Variants in ZNF407 observed in about 807,000 individuals in gnomAD.
ZNF407 encodes the protein zinc finger protein 407.
ZNF407 carries 17 observed loss-of-function variants against 131.2 expected under a neutral mutation model. The observed-to-expected ratio is 0.13, with a 90% CI of 0.09 to 0.19. ZNF407 has a LOEUF of 0.19. Ranked by LOEUF, ZNF407 falls within the 10% of genes least tolerant of loss-of-function variation. The pLI is 1.00. For synonymous variants in ZNF407, 1,156 were observed against 1,062.0 expected, an observed-to-expected ratio of 1.09 and a Z score of -1.72; for missense variants, 2,681 against 2,830.6, an observed-to-expected ratio of 0.95 and a Z score of 1.20.
In ZNF407 at chr18:74,634,366, C is replaced by T. The variant is rs933633970; in HGVS notation, c.3347C>T (p.Ser1116Phe). 4 of 1,613,868 alleles carry T rather than the reference C, an allele frequency of 2.5e-6. No individual in the cohort carries two copies. In the South Asian group the frequency reaches 4.4e-5, roughly 18 times the overall value. ...TTTCAAATAATTTCAGGTCAACCAT[C>T]TGATACTCTTAAATCTAGAAATGCT... ...EEFQIISGQPSDTLKSRNAAD... is the reference protein window; with the variant it reads ...EEFQIISGQPFDTLKSRNAAD... Residue 1116 changes from serine (S) to phenylalanine (F), a missense_variant, in exon 2 of 9, where the codon TCT (serine) becomes TTT (phenylalanine). By Grantham distance (155) the Ser-to-Phe change is radical (BLOSUM62 -2). This residue lies in a region of ZNF407 where 1,789 missense variants were observed against 1,748.7 expected (regional missense o/e 1.02). Transcript: ENST00000299687.
chr18:74,772,634 T>C (rs1425029880), intron 3 of ZNF407, among the ~76,000 whole-genome samples: 3 of 152,160 alleles, frequency 2.0e-5, no homozygotes, highest in Non-Finnish European at 4.4e-5. Context: ...TTGGAGTGCA[T>C]ATTTCAGCAG....
chr18:74,745,064 T>C (rs1968636229), intron 3 of ZNF407, among the ~76,000 whole-genome samples: 1 of 152,094 alleles, frequency 6.6e-6, no homozygotes, highest in Non-Finnish European at 1.5e-5. Flanking sequence ...ACACGTATCG[T>C]AGTGCATTCA....
chr18:75,015,437 G>A (rs1356668854), intron 8 of ZNF407, among the ~76,000 whole-genome samples: 3 of 150,560 alleles, frequency 2.0e-5, no homozygotes, highest in African/African-American at 7.3e-5. Flanking sequence ...GATGTACTCC[G>A]GTACAGCGGA....
At chr18:74,836,522 C>T (rs751013770) in intron 4 of ZNF407, among the ~76,000 whole-genome samples, 28 of 152,206 alleles carry the variant, frequency 1.8e-4, no homozygotes, top group Non-Finnish European at 1.6e-4. Context: ...CTTTTTCTGG[C>T]ACTGGTCCAG....
chr18:74,849,283 T>C (rs1308239442), intron 4 of ZNF407, among the ~76,000 whole-genome samples: 1 of 152,016 alleles, frequency 6.6e-6, no homozygotes, highest in Non-Finnish European at 1.5e-5. Flanking sequence ...TTTCGCTATA[T>C]TGGGCAAGCT....
intron 8 of ZNF407, among the ~76,000 whole-genome samples, chr18:74,944,502 AT>A (rs1165594218): frequency 1.3e-5 from 2 of 152,158 alleles, no homozygotes; most frequent in African/African-American, 2.4e-5. Context: ...AGTATTCTAG[AT>A]TTTTTTAAAT....
chr18:75,063,707 G>T lies in ZNF407; in HGVS notation c.5986G>T (p.Val1996Phe). ...SSALDALLCA[V>F]TELGEVEGRA... ...AGCCCTGGATGCATTGCTCTGTGCG[G>T]TCACTGAATTAGGGGAGGTGGAGGG... Residue 1996 changes from valine (V) to phenylalanine (F), a missense_variant, in exon 9 of 9, where the codon GTC becomes TTC. Physicochemically the swap from Val to Phe is conservative, Grantham distance 50. This residue lies in a region of ZNF407 where 620 missense variants were observed against 583.1 expected (regional missense o/e 1.06). Coordinates refer to ENST00000299687, the MANE Select transcript of ZNF407 (RefSeq NM_017757.3). The surrounding 1 kb of genome is among the most constrained non-coding windows in gnomAD (Gnocchi z 6.6). 1.2e-6 allele frequency: 2 copies of T among 1,612,284 alleles called. No homozygotes were observed. Among genetic ancestry groups the T allele is most frequent in the Non-Finnish European group, 1.7e-6 (2 of 1,179,716 alleles).
At chr18:74,852,168 C>A (rs952009435) in intron 4 of ZNF407, among the ~76,000 whole-genome samples, 4 of 45,338 alleles carry the variant, frequency 8.8e-5, no homozygotes, top group African/African-American at 2.5e-4. Context: ...GCATGCTACA[C>A]ACACACACAC....
intron 4 of ZNF407, among the ~76,000 whole-genome samples, chr18:74,800,492 G>A (rs1242533190): frequency 1.3e-5 from 2 of 151,520 alleles, no homozygotes; most frequent in Non-Finnish European, 1.5e-5. Flanking sequence ...TTGCTTTCTT[G>A]TAGATTTGCT....
At chr18:74,669,519 G>A (rs1476911809) in intron 3 of ZNF407, among the ~76,000 whole-genome samples, 2 of 152,192 alleles carry the variant, frequency 1.3e-5, no homozygotes, top group African/African-American at 4.8e-5. Context: ...GGGGCATCCA[G>A]TGTAGAGACC....
chr18:74,679,073 G>A (rs8084581), intron 3 of ZNF407, among the ~76,000 whole-genome samples: 3 of 151,882 alleles, frequency 2.0e-5, no homozygotes, highest in Non-Finnish European at 2.9e-5. Context: ...GGGACTCAGC[G>A]GTTAAAAAAA....
intron 8 of ZNF407, among the ~76,000 whole-genome samples, chr18:74,925,617 C>T (rs1461364407): frequency 6.6e-6 from 1 of 152,190 alleles, no homozygotes; most frequent in Non-Finnish European, 1.5e-5. Context: ...TATTTTTAAC[C>T]CGGTTGCTTT....
At chr18:74,901,311 T>G (rs1971521561) in intron 7 of ZNF407, among the ~76,000 whole-genome samples, 1 of 152,206 alleles carries the variant, frequency 6.6e-6, no homozygotes, top group Admixed American at 6.5e-5. Flanking sequence ...ATTTTAGGTT[T>G]TAGCTTGTTT....
rs375136326 is a variant in ZNF407, at chr18:74,608,355, C to CTTTTTTTTTTTTT, written c.-54+10428_-54+10429insTTTTTTTTTTTTT. On this transcript the variant is annotated intron_variant, in intron 1 of 8. Transcript: ENST00000299687. ...TCTGTGATAGTGTTCTTTTAGATTTCTTTTTTTTTTGGAAACAGAGTCTTG... is the reference window on the plus strand; with the variant it reads ...TCTGTGATAGTGTTCTTTTAGATTTCTTTTTTTTTTTTTTTTTTTTTTTGGAAACAGAGTCTTG... Among the ~76,000 whole-genome samples, 110 of 146,542 alleles carry CTTTTTTTTTTTTT rather than the reference C, an allele frequency of 7.5e-4. 1 individual carries two copies. The highest frequency in any genetic ancestry group is 2.6e-3 in the African/African-American group (101 of 39,604).
rs142481102 is a variant in ZNF407 at position 74,875,366 on chromosome 18, A to G, written c.4878-1831A>G. Among the ~76,000 whole-genome samples the G allele has an allele frequency of 1.3e-4, 20 of 152,324 alleles. No individual in the cohort carries two copies. In the East Asian group the frequency reaches 3.7e-3, roughly 28 times the overall value. ...TTATTACATAGGAATAATAGAGTACATATATTGAGGTTTCATAGATGTAAT... is the reference window on the plus strand; with the variant it reads ...TTATTACATAGGAATAATAGAGTACGTATATTGAGGTTTCATAGATGTAAT... On this transcript the variant is annotated intron_variant, in intron 4 of 8. Coordinates refer to ENST00000299687, the MANE Select transcript of ZNF407 (RefSeq NM_017757.3).
At chr18:75,023,910 G>A (rs778905948) in intron 8 of ZNF407, among the ~76,000 whole-genome samples, 4 of 152,092 alleles carry the variant, frequency 2.6e-5, no homozygotes, top group Non-Finnish European at 5.9e-5. Context: ...TTTGTGGTGC[G>A]TTGGTTTTGA....
chr18:74,827,721 C>T (rs530067714), intron 4 of ZNF407, among the ~76,000 whole-genome samples: 1 of 152,266 alleles, frequency 6.6e-6, no homozygotes, highest in Admixed American at 6.5e-5. Flanking sequence ...CTTATGCCTG[C>T]TTGGATGTCA....
chr18:74,935,225 T>A (rs1278992364), intron 8 of ZNF407, among the ~76,000 whole-genome samples: 1 of 152,252 alleles, frequency 6.6e-6, no homozygotes, highest in East Asian at 1.9e-4. Context: ...TATTAGAAGT[T>A]GACTTCATCT....
chr18:74,948,048 T>C (rs373305277), intron 8 of ZNF407, among the ~76,000 whole-genome samples: 10 of 152,212 alleles, frequency 6.6e-5, no homozygotes, highest in African/African-American at 1.7e-4. Flanking sequence ...CGGGCCTTCA[T>C]TGGGCAGGAG....
Sources: gnomAD v4.1 joint callset for allele counts (sites outside exome capture counted in the v4.1 genomes callset) on GRCh38, gnomAD v4.1.1 for gene constraint, gnomAD v4.1.1 regional missense constraint, Gnocchi (gnomAD v3.1) non-coding constraint, MANE v1.5 for transcripts, NCBI Gene and HGNC (gene_info 2026-07-23, HGNC 2026-07-21) for gene names.